RPGRIP1: variants seen among roughly 807,000 people sequenced by gnomAD.
RPGRIP1 encodes X-linked retinitis pigmentosa GTPase regulator-interacting protein 1.
In RPGRIP1, 128 loss-of-function variants were observed where a neutral mutation model predicts 157.9. That is an observed-to-expected ratio of 0.81 (90% CI 0.70 to 0.94). The LOEUF (loss-of-function observed/expected upper bound fraction) is 0.94, where lower values mean the gene tolerates loss of function less well. Among genes scored for constraint, RPGRIP1 ranks in the 40% least tolerant of loss-of-function variants. The pLI is 0.00. For synonymous variants in RPGRIP1, 554 were observed against 571.6 expected (o/e 0.97, Z 0.44); for missense variants, 1,486 against 1,545.8 (o/e 0.96, Z 0.65).
intron 15 of RPGRIP1, 33 bp downstream of exon 15, chr14:21,325,103 C>T (rs1285185273): frequency 6.4e-7 from 1 of 1,570,212 alleles, no homozygotes; most frequent in South Asian, 1.2e-5. Flanking sequence ...GGCTCCTAAG[C>T]ACCAATGCAG....
intron 7 of RPGRIP1, among the ~76,000 whole-genome samples, chr14:21,309,326 A>G (rs192304659): frequency 8.5e-5 from 13 of 152,238 alleles, no homozygotes; most frequent in Admixed American, 5.9e-4. Context: ...AGCCCAGACA[A>G]CATGGCGAAA....
chr14:21,341,991 T>A (rs556179682), intron 21 of RPGRIP1, among the ~76,000 whole-genome samples: 12 of 149,892 alleles, frequency 8.0e-5, no homozygotes, highest in East Asian at 5.9e-4. Context: ...AAGAGCTTGC[T>A]GTGAGCCGAG....
intron 6 of RPGRIP1, among the ~76,000 whole-genome samples, chr14:21,307,476 A>G (rs1881365400): frequency 6.6e-6 from 1 of 152,266 alleles, no homozygotes; most frequent in South Asian, 2.1e-4. Flanking sequence ...CATTTAAAAA[A>G]GTAGTTATTA....
At chr14:21,338,890 G>A (rs369841039) in intron 21 of RPGRIP1, among the ~76,000 whole-genome samples, 9 of 152,222 alleles carry the variant, frequency 5.9e-5, no homozygotes, top group Admixed American at 4.6e-4. Flanking sequence ...TGTAATCCCA[G>A]CACTTTGGGA....
chr14:21,320,197 A>C lies in RPGRIP1; in HGVS notation c.1467+20A>C. 3 of 1,605,624 alleles carry C rather than the reference A, an allele frequency of 1.9e-6. No individual in the cohort carries two copies. The highest frequency in any genetic ancestry group is 2.6e-6 in the Non-Finnish European group (3 of 1,173,482). The stretch of plus-strand genomic sequence containing the variant: ...ATCGAGGTAAGAGCCTCTTTAAACA[A>C]ACTAGTCCACTCTGCAGAGAGATCT... On this transcript the variant is annotated intron_variant, in intron 12 of 24. Coordinates refer to ENST00000400017, the MANE Select transcript of RPGRIP1 (RefSeq NM_020366.4).
chr14:21,282,281 G>A (rs1385376404), intron 1 of RPGRIP1, among the ~76,000 whole-genome samples: 1 of 151,592 alleles, frequency 6.6e-6, no homozygotes, highest in Non-Finnish European at 1.5e-5. Context: ...TCTGTCACCC[G>A]GCTGGAGTGC....
At chr14:21,328,854 C>G (rs1329070124) in intron 19 of RPGRIP1, among the ~76,000 whole-genome samples, 1 of 151,860 alleles carries the variant, frequency 6.6e-6, no homozygotes, top group Non-Finnish European at 1.5e-5. Flanking sequence ...GCTAAAAATA[C>G]AAAATGAGGC....
chr14:21,322,501 C>T (rs1162378086), intron 14 of RPGRIP1, among the ~76,000 whole-genome samples: 2 of 152,026 alleles, frequency 1.3e-5, no homozygotes, highest in Non-Finnish European at 2.9e-5. Flanking sequence ...TCTTTCCCTC[C>T]ATCATGTTTT....
rs1881469782 is a variant in RPGRIP1, at chr14:21,309,766, A to G, written c.907-818A>G. Among the ~76,000 whole-genome samples the G allele has an allele frequency of 2.6e-5, 4 of 152,264 alleles. No individual in the cohort carries two copies. The South Asian group carries it at 8.3e-4, about 32-fold the overall frequency. ...GAGCTATGTGAAAGGGTTTTAAGCA[A>G]GTTGATATGATCAATTTTTTTCTCT... is the stretch of plus-strand genomic sequence containing the variant. On this transcript the variant is annotated intron_variant, in intron 7 of 24. Coordinates refer to ENST00000400017, the MANE Select transcript of RPGRIP1 (RefSeq NM_020366.4).
At chr14:21,309,214 T>C (rs1881445358) in intron 7 of RPGRIP1, among the ~76,000 whole-genome samples, 1 of 152,048 alleles carries the variant, frequency 6.6e-6, no homozygotes, top group Non-Finnish European at 1.5e-5. Flanking sequence ...CAGTGCCAGA[T>C]CAGAAAAGGA....
At chr14:21,307,144 C>T (rs1881350114) in intron 6 of RPGRIP1, among the ~76,000 whole-genome samples, 1 of 152,150 alleles carries the variant, frequency 6.6e-6, no homozygotes, top group South Asian at 2.1e-4. Flanking sequence ...GCAACCTCCG[C>T]CTCCCGCAGT....
chr14:21,321,983 A>C lies in RPGRIP1; in HGVS notation c.1741A>C (p.Ser581Arg). The change falls in exon 14 of 25, where the codon AGC (serine) becomes CGC (arginine). Residue 581 changes from serine (S) to arginine (R), a missense_variant. Transcript: ENST00000400017. ...CAAGCAGCTGGAAGGTATTTTAAGA[A>C]GCCATGACCTTCCAACATCTGGCAA... ...RIKQLEGILR[S>R]HDLPTSEQLK... The C allele has an allele frequency of 6.2e-7, 1 of 1,613,066 alleles. No homozygotes were observed. Among genetic ancestry groups the C allele is most frequent in the East Asian group, 2.2e-5 (1 of 44,884 alleles).
At chr14:21,330,497 C>T (rs1462177089) in intron 20 of RPGRIP1, 110 bp downstream of exon 20, 1 of 760,500 alleles carries the variant, frequency 1.3e-6, no homozygotes, top group Non-Finnish European at 1.8e-6. Context: ...TGAAACCCGT[C>T]TCTACTAAAA....
rs535720868 is a variant in RPGRIP1, at chr14:21,331,136, T to C, written c.3238+749T>C. On this transcript the variant is annotated intron_variant, in intron 20 of 24. Transcript: ENST00000400017. Reference sequence around the variant, plus strand: ...GTTGGTCAGGCTGGTCTCAAACTTCTGACCTTAGGTGATCCGCCCACCTCA... The same window carrying C: ...GTTGGTCAGGCTGGTCTCAAACTTCCGACCTTAGGTGATCCGCCCACCTCA... 4.8e-3 allele frequency among the ~76,000 whole-genome samples: 735 copies of C among 151,558 alleles called. 8 individuals are homozygous for C. Among genetic ancestry groups the C allele is most frequent in the African/African-American group, 0.017 (707 of 41,360 alleles).
intron 20 of RPGRIP1, among the ~76,000 whole-genome samples, chr14:21,331,508 C>G (rs890660656): frequency 6.6e-6 from 1 of 152,056 alleles, no homozygotes; most frequent in African/African-American, 2.4e-5. Flanking sequence ...GGCAACAGAG[C>G]AAGACTCCGT....
chr14:21,316,878 G>A (rs921161121), intron 10 of RPGRIP1, among the ~76,000 whole-genome samples: 4 of 152,084 alleles, frequency 2.6e-5, no homozygotes, highest in African/African-American at 2.4e-5. Context: ...CCAACACTTT[G>A]GGAGGCCGAG....
At position 21,301,136 on chromosome 14, in the gene RPGRIP1, GCGTCGGCCCTGCCAGCCCC is replaced by G. The variant is rs762804365; in HGVS notation, c.392_410del (p.Val131AlafsTer33). 2.5e-6 allele frequency: 4 copies of G among 1,600,000 alleles called. No homozygotes were observed. In the African/African-American group the frequency reaches 5.3e-5, roughly 21 times the overall value. On this transcript the variant is annotated frameshift_variant, in exon 4 of 25. Coordinates refer to ENST00000400017, the MANE Select transcript of RPGRIP1 (RefSeq NM_020366.4). LOFTEE classifies it high-confidence loss of function. ...CACCGACTGCAAGGGCATTTCCACT[GCGTCGGCCCTGCCAGCCCC>G]CGCCGCGCCCAGCCTCGCGTCCAAG...
chr14:21,345,590 G>A (rs1885483307), intron 23 of RPGRIP1, among the ~76,000 whole-genome samples: 1 of 152,050 alleles, frequency 6.6e-6, no homozygotes, highest in East Asian at 1.9e-4. Flanking sequence ...TTGTAGTAGA[G>A]ATAGGGTTTT....
intron 21 of RPGRIP1, among the ~76,000 whole-genome samples, chr14:21,341,324 C>T (rs948808264): frequency 1.4e-4 from 21 of 152,190 alleles, no homozygotes; most frequent in African/African-American, 5.1e-4. Context: ...AGCCTCTGCA[C>T]CCCGCCAAAT....
Sources: allele counts gnomAD v4.1 joint callset (sites outside exome capture counted in the v4.1 genomes callset), GRCh38; gene constraint gnomAD v4.1.1; transcripts MANE v1.5; gene names NCBI Gene and HGNC (gene_info 2026-07-23, HGNC 2026-07-21).